The following ARAP2 variants were observed in gnomAD, a reference collection of about 807,000 sequenced individuals.
ARAP2 encodes arf-GAP with Rho-GAP domain, ANK repeat and PH domain-containing protein 2.
ARAP2 carries 148 observed loss-of-function variants against 194.5 expected under a neutral mutation model. The observed-to-expected ratio is 0.76, with a 90% CI of 0.67 to 0.87. The LOEUF (loss-of-function observed/expected upper bound fraction) is 0.87. Ranked by LOEUF, ARAP2 falls within the 40% of genes least tolerant of loss-of-function variation. ARAP2 has a pLI of 0.00. For missense variants in ARAP2, 2,128 were observed against 1,989.7 expected, an observed-to-expected ratio of 1.07 and a Z score of -1.32; for synonymous variants, 695 against 683.5, an observed-to-expected ratio of 1.02 and a Z score of -0.26.
At chr4:36,212,305 C>T in intron 5 of ARAP2, 91 bp downstream of exon 5, 1 of 1,094,094 alleles carries the variant, frequency 9.1e-7, no homozygotes, top group Non-Finnish European at 1.3e-6. Context: ...ACTATTTTCT[C>T]TGACACACAA....
intron 27 of ARAP2, among the ~76,000 whole-genome samples, chr4:36,098,032 T>C (rs936142344): frequency 7.7e-5 from 11 of 143,672 alleles, no homozygotes; most frequent in Non-Finnish European, 1.7e-4. Context: ...AACCAGGCAA[T>C]GAAACTGAAA....
rs183748880 is a variant in ARAP2 at position 36,055,402 on chromosome 4, G to A, written n.321+2568C>T. ...GAAAATCATCCTCATAAGAACCATC[G>A]CATCTCTGGTAATTTGATTTAGCAT... On this transcript the variant is annotated intron_variant and non_coding_transcript_variant, in intron 2 of 12. Coordinates refer to the ARAP2 transcript ENST00000503225. 2.3e-4 allele frequency among the ~76,000 whole-genome samples: 35 copies of A among 152,182 alleles called. 1 individual carries two copies. The East Asian group carries it at 6.0e-3, about 26-fold the overall frequency.
chr4:36,197,182 C>A (rs969656996), intron 6 of ARAP2, among the ~76,000 whole-genome samples: 3 of 151,782 alleles, frequency 2.0e-5, no homozygotes, highest in South Asian at 4.2e-4. Context: ...TTTTGATATA[C>A]GCATACAATG....
At chr4:36,110,987 A>G (rs1376889729) in intron 26 of ARAP2, among the ~76,000 whole-genome samples, 1 of 151,912 alleles carries the variant, frequency 6.6e-6, no homozygotes, top group Non-Finnish European at 1.5e-5. Flanking sequence ...TAATTAGGGT[A>G]TTAATTTTTA....
chr4:36,042,587 T>A (rs374681645), intron 5 of ARAP2, among the ~76,000 whole-genome samples: 6 of 152,336 alleles, frequency 3.9e-5, no homozygotes, highest in African/African-American at 1.4e-4. Context: ...CTTTATAATG[T>A]CTTTCTTTTA....
At chr4:36,237,527 C>T (rs1220102836) in intron 1 of ARAP2, among the ~76,000 whole-genome samples, 2 of 152,144 alleles carry the variant, frequency 1.3e-5, no homozygotes, top group African/African-American at 4.8e-5. Flanking sequence ...TCTATGAGTT[C>T]ATGCAAGATC....
At position 36,069,505 on chromosome 4, in the gene ARAP2, T is replaced by TA. The variant is rs141615252; in HGVS notation, c.4744-1228dup. Among the ~76,000 whole-genome samples, 800 of 146,992 alleles carry TA rather than the reference T, an allele frequency of 5.4e-3. 3 individuals are homozygous for TA. Among genetic ancestry groups the TA allele is most frequent in the African/African-American group, 6.5e-3 (262 of 40,192 alleles). On this transcript the variant is annotated intron_variant, in intron 32 of 32. Transcript: ENST00000303965. ...TATATGTATTTTATCGCAAATGAAG[T>TA]AAAAAAAAAACAAGACAGGGTTTAT...
chr4:36,112,280 G>C (rs1720193745), intron 26 of ARAP2, among the ~76,000 whole-genome samples: 1 of 151,786 alleles, frequency 6.6e-6, no homozygotes, highest in Non-Finnish European at 1.5e-5. Flanking sequence ...TATAGTCTAG[G>C]GCAGAACCAG....
chr4:36,119,603 G>A, intron 24 of ARAP2, 47 bp downstream of exon 24: 3 of 1,360,786 alleles, frequency 2.2e-6, no homozygotes, highest in South Asian at 1.2e-5. Flanking sequence ...TACAATGGAA[G>A]TTTTTGTTTT....
chr4:36,111,489 TAACTC>T (rs1719973334), intron 26 of ARAP2, among the ~76,000 whole-genome samples: 2 of 152,124 alleles, frequency 1.3e-5, no homozygotes, highest in Admixed American at 1.3e-4. Flanking sequence ...TTTGAATTCT[TAACTC>T]TAAGTGTATT....
At chr4:36,198,852 T>C (rs1314371254) in intron 6 of ARAP2, among the ~76,000 whole-genome samples, 1 of 152,206 alleles carries the variant, frequency 6.6e-6, no homozygotes, top group Non-Finnish European at 1.5e-5. Context: ...CAGAGGCTGC[T>C]GCAACTGGGA....
chr4:36,159,376 C>T lies in ARAP2; in HGVS notation c.2572G>A (p.Gly858Arg). ...STPYLLAKKA[G>R]QSLQMEFLYH... ...AGAAATTCCATTTGCAGACTTTGCC[C>T]AGCTTTCTTGGCTAGCAGATAGGGG... Residue 858 changes from glycine (G) to arginine (R), a missense_variant, in exon 14 of 33, where the codon GGG becomes AGG. By Grantham distance (125) the Gly-to-Arg change is moderately radical (BLOSUM62 -2). Coordinates refer to ENST00000303965, the MANE Select transcript of ARAP2 (RefSeq NM_015230.4). 2 of 1,608,810 alleles carry T rather than the reference C, an allele frequency of 1.2e-6. No homozygotes were observed. The highest frequency in any genetic ancestry group is 1.7e-6 in the Non-Finnish European group (2 of 1,176,848).
intron 1 of ARAP2, among the ~76,000 whole-genome samples, chr4:36,235,439 C>T (rs866660338): frequency 6.6e-6 from 1 of 152,220 alleles, no homozygotes; most frequent in Admixed American, 6.5e-5. Context: ...GTCTCCACAG[C>T]CACTCCATCA....
chr4:36,056,475 T>C (rs61797471), intron 2 of ARAP2, among the ~76,000 whole-genome samples: 62,706 of 152,096 alleles, frequency 0.41, 14,321 homozygotes, highest in Middle Eastern at 0.52. Context: ...TTTTGGGAAA[T>C]CAGTTTTCTT....
chr4:36,183,808 G>A (rs960016028), intron 8 of ARAP2, among the ~76,000 whole-genome samples: 1 of 152,190 alleles, frequency 6.6e-6, no homozygotes. Flanking sequence ...TAGAAAACTC[G>A]TGAGGAAAAG....
rs548073092 is a variant in ARAP2 at position 36,171,688 on chromosome 4, T to G, written c.1858-4641A>C. On this transcript the variant is annotated intron_variant, in intron 9 of 32. Coordinates refer to ENST00000303965, the MANE Select transcript of ARAP2 (RefSeq NM_015230.4). ...AGTATAATAATTAAAAAAAAAATGT[T>G]TAAAAGAATGCCTGGCATGCAGTAA... Among the ~76,000 whole-genome samples the G allele has an allele frequency of 1.4e-3, 211 of 152,154 alleles. 5 individuals carry two copies. Among genetic ancestry groups the G allele is most frequent in the Non-Finnish European group, 4.6e-4 (31 of 67,972 alleles).
intron 11 of ARAP2, among the ~76,000 whole-genome samples, chr4:36,162,800 G>A (rs572562918): frequency 1.3e-5 from 2 of 152,236 alleles, no homozygotes; most frequent in East Asian, 1.9e-4. Flanking sequence ...CTGAGTTGAG[G>A]CAGCAGGAAA....
At chr4:36,018,447 CA>C (rs34023851) in intron 6 of ARAP2, among the ~76,000 whole-genome samples, 4,128 of 135,848 alleles carry the variant, frequency 0.03, 57 homozygotes, top group Non-Finnish European at 0.035. Context: ...CTCAATATCT[CA>C]AAAAAAAAAA....
rs559486049 is a variant in ARAP2, at chr4:36,185,700, G to T, written c.1678+1751C>A. ...GTAAAAATAGGATAATAATGGATGG[G>T]CGCAGTGGCTCATGCCTGTAATCCC... On this transcript the variant is annotated intron_variant, in intron 8 of 32. Coordinates refer to ENST00000303965, the MANE Select transcript of ARAP2 (RefSeq NM_015230.4). 1.2e-4 allele frequency among the ~76,000 whole-genome samples: 19 copies of T among 152,130 alleles called. No homozygotes were observed. In the South Asian group the frequency reaches 1.5e-3, roughly 12 times the overall value.
Sources: allele counts gnomAD v4.1 joint callset (sites outside exome capture counted in the v4.1 genomes callset), GRCh38; gene constraint gnomAD v4.1.1; transcripts MANE v1.5; gene names NCBI Gene and HGNC (gene_info 2026-07-23, HGNC 2026-07-21).